The following ZNF217 variants were observed in gnomAD, a reference collection of about 807,000 sequenced individuals.
ZNF217 encodes the protein zinc finger protein 217.
Under a neutral mutation model 73.3 loss-of-function variants are expected in ZNF217, and 12 were observed. The observed-to-expected ratio is 0.16, with a 90% CI of 0.10 to 0.27. The LOEUF (loss-of-function observed/expected upper bound fraction) is 0.27, where lower values mean the gene tolerates loss of function less well. ZNF217 is among the 10% of genes least tolerant of loss of function. The pLI is 1.00. For synonymous variants in ZNF217, 588 were observed against 516.4 expected, an observed-to-expected ratio of 1.14 and a Z score of -1.88; for missense variants, 1,195 against 1,327.8, an observed-to-expected ratio of 0.90 and a Z score of 1.55.
intron 1 of ZNF217, among the ~76,000 whole-genome samples, chr20:53,587,143 G>A (rs1988724937): frequency 6.6e-6 from 1 of 152,144 alleles, no homozygotes; most frequent in African/African-American, 2.4e-5. Flanking sequence ...ACTTCTATTG[G>A]GATTATTTCA....
intron 2 of ZNF217, 61 bp from the exon 3 acceptor site, chr20:53,578,511 G>A (rs1988370773): frequency 9.6e-7 from 1 of 1,041,030 alleles, no homozygotes. Flanking sequence ...AATAAGGCAT[G>A]CTGACTTAAA....
chr20:53,588,479 T>C (rs1988773200), intron 1 of ZNF217, among the ~76,000 whole-genome samples: 1 of 151,516 alleles, frequency 6.6e-6, no homozygotes, highest in South Asian at 2.1e-4. Flanking sequence ...CAGGCCTAAC[T>C]GCACCAAAAA....
In ZNF217 at chr20:53,581,570, C is replaced by G. The variant is rs766744159; in HGVS notation, c.1257G>C (p.Thr419=). 1 of 1,614,128 alleles carries G rather than the reference C, an allele frequency of 6.2e-7. No homozygotes were observed. The highest frequency in any genetic ancestry group is 1.3e-5 in the African/African-American group (1 of 74,946). ...TMSVDGRQPG[T]CSPDLAAPLD... ...GAGGGGCGGCGAGGTCAGGAGAACA[C>G]GTCCCCGGCTGCCTCCCGTCCACAG... The change falls in exon 2 of 6, where the codon ACG becomes ACC. Residue 419 remains threonine (T), a synonymous_variant. Coordinates refer to ENST00000371471, the MANE Select transcript of ZNF217 (RefSeq NM_006526.3). The surrounding 1 kb of genome is among the most constrained non-coding windows in gnomAD (Gnocchi z 4.9).
At chr20:53,572,164 G>A (rs1177761269) in intron 4 of ZNF217, among the ~76,000 whole-genome samples, 1 of 152,164 alleles carries the variant, frequency 6.6e-6, no homozygotes, top group Non-Finnish European at 1.5e-5. Flanking sequence ...CTATGTAAAA[G>A]TGTTGTTTTT....
At chr20:53,596,666 G>C (rs954853513), upstream of ZNF217, among the ~76,000 whole-genome samples, 1 of 152,132 alleles carries the variant, frequency 6.6e-6, no homozygotes, top group Non-Finnish European at 1.5e-5. Flanking sequence ...AACTCATACT[G>C]CACAAAGTGA....
chr20:53,575,117 G>A (rs1988198287), intron 4 of ZNF217: 1 of 152,256 alleles, frequency 6.6e-6, no homozygotes, highest in Non-Finnish European at 1.5e-5. Context: ...GCCGAGGCAG[G>A]AGGATCACTT....
chr20:53,595,470 G>A (rs1319242966), upstream of ZNF217, among the ~76,000 whole-genome samples: 4 of 152,196 alleles, frequency 2.6e-5, no homozygotes, highest in Non-Finnish European at 5.9e-5. Flanking sequence ...TAATAAATAG[G>A]AAAAGGAATT....
At chr20:53,590,407 A>G (rs1988838329) in intron 1 of ZNF217, among the ~76,000 whole-genome samples, 2 of 152,248 alleles carry the variant, frequency 1.3e-5, no homozygotes, top group African/African-American at 4.8e-5. Context: ...GAGATGGGAC[A>G]ATTTGAATTT....
Position 53,569,270 on chromosome 20 carries a change from G to GA in ZNF217, c.*24-7dup, listed in dbSNP as rs1219261414. ...GCACTGACATCCACCAAGACCTAAG[G>GA]AAAACAACATTTTTTAAATGATTAA... On this transcript the variant is annotated splice_polypyrimidine_tract_variant and splice_region_variant and intron_variant, in intron 5 of 5. Coordinates refer to ENST00000371471, the MANE Select transcript of ZNF217 (RefSeq NM_006526.3). 3.1e-6 allele frequency: 4 copies of GA among 1,310,384 alleles called. No homozygotes were observed. Among genetic ancestry groups the GA allele is most frequent in the East Asian group, 4.7e-5 (1 of 21,144 alleles). The allele number at this position is 1,310,384 out of a possible 1,614,324, so 81.2% of individuals were successfully genotyped here. A position where few individuals can be genotyped will look rare whatever the true frequency, so the allele number is the denominator to read the frequency against.
rs1988083747 is a variant in ZNF217 at position 53,573,064 on chromosome 20, T to G, written c.3038-1211A>C. 2.0e-5 allele frequency among the ~76,000 whole-genome samples: 3 copies of G among 151,388 alleles called. No individual in the cohort carries two copies. The South Asian group carries it at 6.3e-4, about 32-fold the overall frequency. On this transcript the variant is annotated intron_variant, in intron 4 of 5. Coordinates refer to ENST00000371471, the MANE Select transcript of ZNF217 (RefSeq NM_006526.3). The stretch of plus-strand genomic sequence containing the variant: ...GCCAACAGATACCAAAATCCATGGA[T>G]GCTCAGGTCCCTAATATAAAACAGT...
intron 1 of ZNF217, among the ~76,000 whole-genome samples, chr20:53,588,594 C>CTATA (rs61379629): frequency 1.8e-4 from 26 of 148,160 alleles, no homozygotes; most frequent in Non-Finnish European, 3.6e-4. Context: ...ACACATCTAT[C>CTATA]TATATATATA....
chr20:53,584,320 C>T (rs1040020904), intron 1 of ZNF217, among the ~76,000 whole-genome samples: 9 of 152,364 alleles, frequency 5.9e-5, no homozygotes, highest in South Asian at 2.1e-4. Context: ...TTTCCTCCCT[C>T]TCTCTACTTC....
In ZNF217 at chr20:53,576,056, C is replaced by T. The variant is rs61748378; in HGVS notation, c.2708G>A (p.Arg903Gln). 0.033 allele frequency: 53,145 copies of T among 1,614,186 alleles called. 1,073 individuals are homozygous for T. Among genetic ancestry groups the T allele is most frequent in the Non-Finnish European group, 0.039 (46,395 of 1,180,038 alleles). The part of the protein sequence containing the change: ...APPGRDYFCN[R>Q]SASNTAAEFG... ...TTCTGCTGCAGTATTGCTGGCACTC[C>T]GATTACAGAAATAGTCTCTTCCCGG... Residue 903 changes from arginine (R) to glutamine (Q), a missense_variant, in exon 4 of 6, where the codon CGG (arginine) becomes CAG (glutamine). By Grantham distance (43) the Arg-to-Gln change is conservative (BLOSUM62 1). Around this residue, in one of 9 missense-constraint regions of ZNF217, gnomAD observed 649 missense variants for 642.8 expected, o/e 1.01. Transcript: ENST00000371471.
rs1028202244 is a variant in ZNF217 at position 53,567,745 on chromosome 20, T to C, written c.*1543A>G. 6.6e-6 allele frequency: 1 copy of C among 152,564 alleles called. No individual in the cohort carries two copies. The highest frequency in any genetic ancestry group is 2.4e-5 in the African/African-American group (1 of 41,418). 9.5% of individuals were successfully genotyped at this position (152,564 alleles called of 1,614,324 possible). A position where few individuals can be genotyped will look rare whatever the true frequency, so the allele number is the denominator to read the frequency against. ...CCTGATACAAAGCACTTCATTGCAA[T>C]GCCAACAGACTGATCTCAAATGAGT... On this transcript the variant is annotated 3_prime_UTR_variant, in exon 6 of 6. Transcript: ENST00000371471.
intron 1 of ZNF217, among the ~76,000 whole-genome samples, chr20:53,588,551 T>A (rs1988775580): frequency 6.6e-6 from 1 of 151,654 alleles, no homozygotes; most frequent in Admixed American, 6.6e-5. Context: ...CTGCACTAAC[T>A]CTCTGTAATG....
upstream of ZNF217, among the ~76,000 whole-genome samples, chr20:53,595,146 G>T (rs1989019854): frequency 6.7e-6 from 1 of 150,150 alleles, no homozygotes; most frequent in South Asian, 2.1e-4. Context: ...TGAAAAAAAG[G>T]ACAAAAAAAA....
At chr20:53,595,228 C>G (rs1989021675), upstream of ZNF217, among the ~76,000 whole-genome samples, 1 of 152,104 alleles carries the variant, frequency 6.6e-6, no homozygotes, top group African/African-American at 2.4e-5. Context: ...ACATAACAAG[C>G]ACATCCACAA....
At chr20:53,593,297 T>C (rs568133194) in intron 1 of ZNF217, among the ~76,000 whole-genome samples, 1 of 152,070 alleles carries the variant, frequency 6.6e-6, no homozygotes, top group Non-Finnish European at 1.5e-5. Context: ...GCTTCCAACT[T>C]GCCCCGGCCC....
rs777775411 is a variant in ZNF217 at position 53,576,639 on chromosome 20, T to C, written c.2125A>G (p.Ser709Gly). The change falls in exon 4 of 6, where the codon AGT (serine) becomes GGT (glycine). Residue 709 changes from serine (S) to glycine (G), a missense_variant. By Grantham distance (56) the Ser-to-Gly change is moderately conservative. Transcript: ENST00000371471. ...AAGGTACAAAATGGACAGGTGATAC[T>C]TGGAATCAAACTTTTACTCAAAGAA... ...AISLSKSLIP[S>G]ITCPFCTFKT... is the part of the protein sequence containing the mutation. 1.2e-6 allele frequency: 2 copies of C among 1,614,124 alleles called. No individual in the cohort carries two copies. Among genetic ancestry groups the C allele is most frequent in the Admixed American group, 1.7e-5 (1 of 60,010 alleles).
Sources: gnomAD v4.1 joint callset for allele counts (sites outside exome capture counted in the v4.1 genomes callset) on GRCh38, gnomAD v4.1.1 for gene constraint, gnomAD v4.1.1 regional missense constraint, Gnocchi (gnomAD v3.1) non-coding constraint, MANE v1.5 for transcripts, NCBI Gene and HGNC (gene_info 2026-07-23, HGNC 2026-07-21) for gene names.